PPFIA2: variants seen among roughly 807,000 people sequenced by gnomAD.
PPFIA2 encodes the protein PPFI scaffold protein A2.
A neutral mutation model predicts 175.5 loss-of-function variants in PPFIA2; 46 were observed. The observed-to-expected ratio is 0.26, with a 90% CI of 0.21 to 0.34. PPFIA2 has a LOEUF of 0.34. Among genes scored for constraint, PPFIA2 ranks in the 10% least tolerant of loss-of-function variants. PPFIA2 has a pLI of 1.00. For synonymous variants in PPFIA2, 568 were observed against 511.4 expected (o/e 1.11, Z -1.49); for missense variants, 1,179 against 1,506.1 (o/e 0.78, Z 3.60).
At chr12:81,699,342 A>C (rs1186066350) in intron 3 of PPFIA2, among the ~76,000 whole-genome samples, 1 of 151,888 alleles carries the variant, frequency 6.6e-6, no homozygotes, top group Non-Finnish European at 1.5e-5. Context: ...TTAATACATC[A>C]AAAGCATTTT....
chr12:81,458,426 T>C (rs1177326560), intron 4 of PPFIA2, among the ~76,000 whole-genome samples: 3 of 152,202 alleles, frequency 2.0e-5, no homozygotes, highest in Non-Finnish European at 4.4e-5. Context: ...AATTTGCGTA[T>C]TGCTCAGTCT....
chr12:81,444,992 T>G (rs1010168256), intron 6 of PPFIA2, among the ~76,000 whole-genome samples: 8 of 152,248 alleles, frequency 5.3e-5, no homozygotes, highest in African/African-American at 1.9e-4. Flanking sequence ...CTTTTAAAAA[T>G]ATCTAAACAC....
chr12:81,692,355 C>T (rs1469127740), intron 3 of PPFIA2, among the ~76,000 whole-genome samples: 1 of 151,960 alleles, frequency 6.6e-6, no homozygotes, highest in Admixed American at 6.6e-5. Flanking sequence ...GTCTGAGGAC[C>T]CAGCTAAACC....
At chr12:81,433,448 G>A (rs976237382) in intron 7 of PPFIA2, among the ~76,000 whole-genome samples, 12 of 152,104 alleles carry the variant, frequency 7.9e-5, no homozygotes, top group African/African-American at 2.4e-4. Flanking sequence ...ACGTGTATAC[G>A]TCTGTCTCTT....
chr12:81,289,055 C>T (rs750458017), intron 24 of PPFIA2, among the ~76,000 whole-genome samples: 14 of 151,752 alleles, frequency 9.2e-5, no homozygotes, highest in Non-Finnish European at 1.6e-4. Context: ...TTAGGTGAGT[C>T]AGTTTACTTC....
intron 4 of PPFIA2, among the ~76,000 whole-genome samples, chr12:81,558,887 A>G (rs1292414618): frequency 6.6e-6 from 1 of 152,158 alleles, no homozygotes; most frequent in East Asian, 1.9e-4. Flanking sequence ...CATTTCTAGA[A>G]GAGTGTATTG....
chr12:81,725,830 T>C (rs943282280), intron 3 of PPFIA2, among the ~76,000 whole-genome samples: 4 of 150,764 alleles, frequency 2.7e-5, no homozygotes, highest in African/African-American at 4.9e-5. Context: ...AGGTAAATAA[T>C]AGATACCATA....
intron 7 of PPFIA2, among the ~76,000 whole-genome samples, chr12:81,409,739 A>G (rs1045941906): frequency 3.9e-5 from 6 of 152,184 alleles, no homozygotes; most frequent in Non-Finnish European, 7.3e-5. Flanking sequence ...AGTAGGAGGA[A>G]CCACTTATGT....
At chr12:81,600,953 A>C (rs2059730077) in intron 4 of PPFIA2, among the ~76,000 whole-genome samples, 1 of 151,988 alleles carries the variant, frequency 6.6e-6, no homozygotes, top group East Asian at 1.9e-4. Context: ...GTTATTGTAG[A>C]GGAACTCATA....
intron 4 of PPFIA2, among the ~76,000 whole-genome samples, chr12:81,464,309 A>G (rs1295214369): frequency 6.6e-6 from 1 of 152,166 alleles, no homozygotes; most frequent in Non-Finnish European, 1.5e-5. Flanking sequence ...TTTAATCATT[A>G]TAGCAGTGTT....
rs776274626 is a variant in PPFIA2, at chr12:81,712,426, T to C, written c.250-35582A>G. ...TGGCAGGAAAAATGCTAAAATCCCT[T>C]AATTGCAAATGTGAATTTCCCAGCT... On this transcript the variant is annotated intron_variant, in intron 3 of 32. Transcript: ENST00000549396. 5.9e-5 allele frequency among the ~76,000 whole-genome samples: 9 copies of C among 151,324 alleles called. No individual in the cohort carries two copies. The South Asian group carries it at 6.2e-4, about 10-fold the overall frequency.
chr12:81,424,194 T>C (rs1222622870), intron 7 of PPFIA2, among the ~76,000 whole-genome samples: 1 of 152,102 alleles, frequency 6.6e-6, no homozygotes, highest in South Asian at 2.1e-4. Context: ...AAAACCATTA[T>C]ATTAGAATTT....
At chr12:81,494,136 T>C (rs1380958170) in intron 4 of PPFIA2, among the ~76,000 whole-genome samples, 13 of 151,884 alleles carry the variant, frequency 8.6e-5, no homozygotes, top group Admixed American at 6.6e-4. Flanking sequence ...CAAAAGAAAC[T>C]ACCATCAGAG....
At chr12:81,569,860 A>G (rs1347358972) in intron 4 of PPFIA2, among the ~76,000 whole-genome samples, 2 of 152,162 alleles carry the variant, frequency 1.3e-5, no homozygotes, top group Non-Finnish European at 2.9e-5. Context: ...TAGATAGGTT[A>G]GAAATGATTA....
intron 21 of PPFIA2, among the ~76,000 whole-genome samples, chr12:81,336,375 A>G (rs1435236609): frequency 6.6e-6 from 1 of 152,198 alleles, no homozygotes; most frequent in Non-Finnish European, 1.5e-5. Flanking sequence ...GAACAGACAT[A>G]TTGTTGCACA....
chr12:81,551,073 A>C (rs1421175750), intron 4 of PPFIA2, among the ~76,000 whole-genome samples: 2 of 149,620 alleles, frequency 1.3e-5, no homozygotes, highest in Non-Finnish European at 3.0e-5. Flanking sequence ...CTTTATTGGC[A>C]TGACTAGGAT....
chr12:81,344,552 T>C, intron 19 of PPFIA2, 112 bp downstream of exon 19: 1 of 707,780 alleles, frequency 1.4e-6, no homozygotes. Flanking sequence ...CTTTAAATAC[T>C]CTCAACTTTT....
chr12:81,367,989 T>G (rs905223256), intron 13 of PPFIA2: 17 of 670,592 alleles, frequency 2.5e-5, no homozygotes, highest in Non-Finnish European at 3.6e-5. Context: ...TGTCAAAACA[T>G]TTTCCCTATT....
chr12:81,471,266 C>A (rs2056676678), intron 4 of PPFIA2: 1 of 151,898 alleles, frequency 6.6e-6, no homozygotes. Context: ...CCACTTCAGC[C>A]TCCAAGGTGG....
Sources: allele counts gnomAD v4.1 joint callset (sites outside exome capture counted in the v4.1 genomes callset), GRCh38; gene constraint gnomAD v4.1.1; transcripts MANE v1.5; gene names NCBI Gene and HGNC (gene_info 2026-07-23, HGNC 2026-07-21).